Variants in LY9 observed in about 807,000 individuals in gnomAD.
The protein encoded by LY9 is T-lymphocyte surface antigen Ly-9.
Under a neutral mutation model 64.6 loss-of-function variants are expected in LY9, and 59 were observed. That is an observed-to-expected ratio of 0.91 (90% CI 0.74 to 1.13). LY9 has a LOEUF of 1.13. LY9 is among the 50% of genes most tolerant of loss of function. The pLI is 0.00. For synonymous variants in LY9, 281 were observed against 308.5 expected (o/e 0.91, Z 0.93); for missense variants, 789 against 797.2 (o/e 0.99, Z 0.12).
intron 2 of LY9, among the ~76,000 whole-genome samples, chr1:160,807,127 C>A (rs1430037211): frequency 6.6e-6 from 1 of 152,180 alleles, no homozygotes; most frequent in East Asian, 1.9e-4. Context: ...TCATTCATAT[C>A]CAAAATTGTT....
intron 4 of LY9, 22 bp from the exon 5 acceptor site, chr1:160,816,572 G>A: frequency 6.4e-7 from 1 of 1,567,754 alleles, no homozygotes. Flanking sequence ...ATTCCACATG[G>A]AGTCTGCCTC....
chr1:160,824,465 TA>T, intron 9 of LY9: 3 of 984,976 alleles, frequency 3.0e-6, no homozygotes, highest in Non-Finnish European at 3.6e-6. Context: ...ATTGATTTAA[TA>T]ATATCTTATG....
chr1:160,802,499 C>T, intron 2 of LY9: 2 of 985,602 alleles, frequency 2.0e-6, no homozygotes, highest in South Asian at 4.7e-5. Context: ...TCCAACCCTG[C>T]GGGCCGCGCC....
intron 1 of LY9, chr1:160,797,268 T>G: frequency 1.0e-6 from 1 of 985,560 alleles, no homozygotes. Context: ...TCAGGGATGA[T>G]GGTGCAGGTA....
chr1:160,811,004 A>G (rs1319308249), intron 2 of LY9: 1 of 152,240 alleles, frequency 6.6e-6, no homozygotes, highest in African/African-American at 2.4e-5. Context: ...AGGCTCAAGC[A>G]TAATACTCTT....
Position 160,813,920 on chromosome 1 carries a change from C to T in LY9, c.730+9C>T. The stretch of plus-strand genomic sequence containing the variant: ...TGGGCAGTTCTGTACAGGTAACTGG[C>T]TCCAACTTGGCCCTTGAGGGAATTC... On this transcript the variant is annotated intron_variant, in intron 3 of 9. Coordinates refer to ENST00000263285, the MANE Select transcript of LY9 (RefSeq NM_002348.4). 6.2e-7 allele frequency: 1 copy of T among 1,608,456 alleles called. No homozygotes were observed. The highest frequency in any genetic ancestry group is 8.5e-7 in the Non-Finnish European group (1 of 1,177,186).
rs760485749 is a variant in LY9, at chr1:160,823,674, G to A, written c.1708G>A (p.Gly570Ser). ...GGTATTTGACCAGGTCACTCAGGAG[G>A]GCGCTGGACATGACCCAGCCCCTGA... ...YEVFDQVTQEGAGHDPAPEGQ... is the reference protein window; with the variant it reads ...YEVFDQVTQESAGHDPAPEGQ... The change falls in exon 8 of 10, where the codon GGC becomes AGC. Residue 570 changes from glycine (G) to serine (S), a missense_variant. Coordinates refer to ENST00000263285, the MANE Select transcript of LY9 (RefSeq NM_002348.4). The A allele has an allele frequency of 6.2e-7, 1 of 1,614,066 alleles. No homozygotes were observed. Among genetic ancestry groups the A allele is most frequent in the South Asian group, 1.1e-5 (1 of 91,070 alleles).
intron 2 of LY9, among the ~76,000 whole-genome samples, chr1:160,805,708 C>G (rs1666910141): frequency 6.6e-6 from 1 of 151,272 alleles, no homozygotes; most frequent in South Asian, 2.1e-4. Context: ...AAGTCCTCCA[C>G]TACTATTCTG....
At chr1:160,812,774 T>G (rs1373966168) in intron 2 of LY9, 2 of 152,328 alleles carry the variant, frequency 1.3e-5, no homozygotes, top group Middle Eastern at 3.4e-3. Context: ...TTTTTTTTAA[T>G]GTATTACCTA....
intron 2 of LY9, among the ~76,000 whole-genome samples, chr1:160,806,845 G>A (rs1244293543): frequency 2.6e-5 from 4 of 152,092 alleles, no homozygotes; most frequent in Admixed American, 6.5e-5. Flanking sequence ...TTTGCCCTCA[G>A]GGATGAAATA....
rs775293304 is a variant in LY9 at position 160,813,757 on chromosome 1, C to T, written c.576C>T (p.Thr192=). The change falls in exon 3 of 10, where the codon ACC becomes ACT. Residue 192 remains threonine, a synonymous_variant. Transcript: ENST00000263285. The stretch of plus-strand genomic sequence containing the variant: ...AGAAAAGTGTTCTGTACAGCTGGAC[C>T]CCAAGGGAACCCCATGCTTCTGAGT... ...GAEKSVLYSW[T]PREPHASESN... 6.2e-7 allele frequency: 1 copy of T among 1,614,088 alleles called. No homozygotes were observed. The highest frequency in any genetic ancestry group is 2.2e-5 in the East Asian group (1 of 44,878).
chr1:160,797,393 C>CTCT (rs1356828893), intron 1 of LY9: 1 of 492,026 alleles, frequency 2.0e-6, no homozygotes, highest in East Asian at 1.5e-4. Flanking sequence ...GAGCTGAGGT[C>CTCT]CAGTCTGACC....
chr1:160,824,348 A>G, intron 9 of LY9, 99 bp downstream of exon 9: 1 of 1,558,654 alleles, frequency 6.4e-7, no homozygotes, highest in Non-Finnish European at 8.7e-7. Context: ...ATGGCTAAGG[A>G]TCTTAAATTC....
chr1:160,824,402 A>T, intron 9 of LY9, 153 bp downstream of exon 9: 3 of 1,421,496 alleles, frequency 2.1e-6, no homozygotes, highest in Non-Finnish European at 1.8e-6. Flanking sequence ...GTCAACAGAG[A>T]TGCATAAACA....
intron 5 of LY9, among the ~76,000 whole-genome samples, chr1:160,817,718 C>T (rs981283118): frequency 2.6e-5 from 4 of 152,190 alleles, no homozygotes; most frequent in Non-Finnish European, 4.4e-5. Flanking sequence ...AGGGACTTAT[C>T]CAAGGTCACA....
chr1:160,805,394 T>C, intron 2 of LY9, among the ~76,000 whole-genome samples: 1 of 152,142 alleles, frequency 6.6e-6, no homozygotes, highest in East Asian at 1.9e-4. Context: ...TTCCATGTAT[T>C]TGTATCATTT....
At chr1:160,810,498 T>C (rs916914040) in intron 2 of LY9, 2 of 152,224 alleles carry the variant, frequency 1.3e-5, no homozygotes, top group African/African-American at 4.8e-5. Flanking sequence ...CATACTGTAT[T>C]AGGGTTCACC....
Position 160,814,513 on chromosome 1 carries a change from G to C in LY9, c.824G>C (p.Arg275Pro). Residue 275 changes from arginine to proline, a missense_variant, in exon 4 of 10, where the codon CGG becomes CCG. Arg to Pro is a moderately radical substitution (Grantham distance 103). Coordinates refer to ENST00000263285, the MANE Select transcript of LY9 (RefSeq NM_002348.4). ...VTLPLALPACRDTEKVVWLFN... is the reference protein window; with the variant it reads ...VTLPLALPACPDTEKVVWLFN... Reference sequence around the variant, plus strand: ...CTGCCACTTGCACTCCCAGCCTGCCGGGACACAGAGAAGGTTGTCTGGTTG... The same window carrying C: ...CTGCCACTTGCACTCCCAGCCTGCCCGGACACAGAGAAGGTTGTCTGGTTG... The C allele has an allele frequency of 6.2e-7, 1 of 1,614,108 alleles. No individual in the cohort carries two copies.
At chr1:160,804,197 C>T (rs1350850086) in intron 2 of LY9, among the ~76,000 whole-genome samples, 2 of 152,172 alleles carry the variant, frequency 1.3e-5, no homozygotes, top group Admixed American at 6.5e-5. Flanking sequence ...TTCAGCTTTT[C>T]CCCATTTGGT....
Sources: allele counts gnomAD v4.1 joint callset (sites outside exome capture counted in the v4.1 genomes callset), GRCh38; gene constraint gnomAD v4.1.1; transcripts MANE v1.5; gene names NCBI Gene and HGNC (gene_info 2026-07-23, HGNC 2026-07-21).